ITGA9: variants seen among roughly 807,000 people sequenced by gnomAD.
ITGA9 encodes the protein integrin subunit alpha 9.
Under a neutral mutation model 127.8 loss-of-function variants are expected in ITGA9, and 56 were observed. That is an observed-to-expected ratio of 0.44 (90% CI 0.35 to 0.55). ITGA9 has a LOEUF of 0.55. Among genes scored for constraint, ITGA9 ranks in the 20% least tolerant of loss-of-function variants. The pLI is 0.00. For missense variants in ITGA9, 1,196 were observed against 1,347.1 expected, an observed-to-expected ratio of 0.89 and a Z score of 1.76; for synonymous variants, 508 against 514.5, an observed-to-expected ratio of 0.99 and a Z score of 0.17.
intron 23 of ITGA9, among the ~76,000 whole-genome samples, chr3:37,761,972 CT>C (rs1034264462): frequency 2.6e-5 from 4 of 152,240 alleles, no homozygotes; most frequent in African/African-American, 9.6e-5. Flanking sequence ...TAATCCACTC[CT>C]TTTTTAGCAT....
At chr3:37,802,968 T>G (rs962051102) in intron 26 of ITGA9, among the ~76,000 whole-genome samples, 2 of 152,184 alleles carry the variant, frequency 1.3e-5, no homozygotes, top group African/African-American at 4.8e-5. Context: ...GAAACTACAG[T>G]ACAGCCTCTC....
chr3:37,517,061 C>G (rs1241457076), intron 9 of ITGA9, among the ~76,000 whole-genome samples: 1 of 152,004 alleles, frequency 6.6e-6, no homozygotes, highest in Non-Finnish European at 1.5e-5. Context: ...ATGCACTTTG[C>G]AAAACAGTTT....
Position 37,536,493 on chromosome 3 carries a change from C to A in ITGA9, c.1528+3025C>A, listed in dbSNP as rs552593940. 3.9e-5 allele frequency among the ~76,000 whole-genome samples: 6 copies of A among 152,368 alleles called. 1 individual carries two copies. In the South Asian group the frequency reaches 1.2e-3, roughly 32 times the overall value. ...TCTGCTGCTGTCTTCAGCTACATGACCTGCTCTCTGAGGATGGTTTTGAGA... is the reference window on the plus strand; with the variant it reads ...TCTGCTGCTGTCTTCAGCTACATGAACTGCTCTCTGAGGATGGTTTTGAGA... On this transcript the variant is annotated intron_variant, in intron 14 of 27. Transcript: ENST00000264741.
rs570929226 is a variant in ITGA9 at position 37,823,065 on chromosome 3, A to C, written c.*4076A>C. ...CAAAGAGTGGCTGAAGGGAGAATAC[A>C]GAGCCAGTAGGGCCAAAATGAAACT... On this transcript the variant is annotated 3_prime_UTR_variant, in exon 28 of 28. Transcript: ENST00000264741. The C allele has an allele frequency of 6.6e-6, 1 of 152,366 alleles. No individual in the cohort carries two copies. The highest frequency in any genetic ancestry group is 1.9e-4 in the East Asian group (1 of 5,186). The allele number at this position is 152,366 out of a possible 1,614,324, so 9.4% of individuals were successfully genotyped here.
Position 37,748,453 on chromosome 3 carries a change from A to G in ITGA9, c.2434-2009A>G, listed in dbSNP as rs189713757. 2.1e-4 allele frequency: 122 copies of G among 587,266 alleles called. No individual in the cohort carries two copies. In the East Asian group the frequency reaches 3.3e-3, roughly 16 times the overall value. 36.4% of individuals were successfully genotyped at this position (587,266 alleles called of 1,614,324 possible). On this transcript the variant is annotated intron_variant, in intron 22 of 27. Coordinates refer to ENST00000264741, the MANE Select transcript of ITGA9 (RefSeq NM_002207.3). Reference sequence around the variant, plus strand: ...GAAACACGTGAAGGAAAATGATCAGAAAAAGAAGGAAGCTGGCGGCACAGT... The same window carrying G: ...GAAACACGTGAAGGAAAATGATCAGGAAAAGAAGGAAGCTGGCGGCACAGT...
In ITGA9 at chr3:37,523,509, T is replaced by G. The variant is rs770432186; in HGVS notation, c.1237-12T>G. On this transcript the variant is annotated splice_polypyrimidine_tract_variant and intron_variant, in intron 11 of 27. Coordinates refer to ENST00000264741, the MANE Select transcript of ITGA9 (RefSeq NM_002207.3). ...TTTTCCTGTGACTCCATTTCCCTATTATCTGTTTCAGAAACTGTCTGGGCA... is the reference window on the plus strand; with the variant it reads ...TTTTCCTGTGACTCCATTTCCCTATGATCTGTTTCAGAAACTGTCTGGGCA... 1 of 1,607,954 alleles carries G rather than the reference T, an allele frequency of 6.2e-7. No homozygotes were observed.
chr3:37,534,470 A>G (rs1251761049), intron 14 of ITGA9, among the ~76,000 whole-genome samples: 1 of 152,234 alleles, frequency 6.6e-6, no homozygotes, highest in Admixed American at 6.5e-5. Flanking sequence ...AAGTTTGAGA[A>G]GCACTGCTGT....
At chr3:37,654,024 A>G (rs538953979) in intron 17 of ITGA9, among the ~76,000 whole-genome samples, 2 of 152,274 alleles carry the variant, frequency 1.3e-5, no homozygotes, top group East Asian at 3.9e-4. Context: ...ATATCTCACA[A>G]TGTAGCTTGT....
At chr3:37,735,215 G>A (rs1301253029) in intron 19 of ITGA9, among the ~76,000 whole-genome samples, 1 of 152,142 alleles carries the variant, frequency 6.6e-6, no homozygotes, top group East Asian at 1.9e-4. Context: ...ATCTCACTGT[G>A]CTCTTTAATG....
chr3:37,609,532 G>T (rs1699998446), intron 15 of ITGA9, among the ~76,000 whole-genome samples: 1 of 152,084 alleles, frequency 6.6e-6, no homozygotes, highest in Non-Finnish European at 1.5e-5. Context: ...GGAATGACAT[G>T]GTCCCCACCC....
At chr3:37,482,102 G>A (rs1579054796) in intron 4 of ITGA9, among the ~76,000 whole-genome samples, 1 of 152,212 alleles carries the variant, frequency 6.6e-6, no homozygotes, top group African/African-American at 2.4e-5. Context: ...GTGGACAGAT[G>A]TCCTGAGGCT....
At chr3:37,798,046 A>G (rs1266265313) in intron 26 of ITGA9, among the ~76,000 whole-genome samples, 5 of 152,186 alleles carry the variant, frequency 3.3e-5, no homozygotes, top group Admixed American at 3.3e-4. Context: ...GCTGGAGCGC[A>G]GTGGCACAGT....
rs1433186485 is a variant in ITGA9 at position 37,814,930 on chromosome 3, G to T, written c.3010-3961G>T. Among the ~76,000 whole-genome samples, 1 of 152,192 alleles carries T rather than the reference G, an allele frequency of 6.6e-6. No homozygotes were observed. The highest frequency in any genetic ancestry group is 1.5e-5 in the Non-Finnish European group (1 of 68,042). Reference sequence around the variant, plus strand: ...AAAAGGAAGACATACATCAGTGGTAGCTCTGATCTCCCATCCAAGAGATTA... The same window carrying T: ...AAAAGGAAGACATACATCAGTGGTATCTCTGATCTCCCATCCAAGAGATTA... On this transcript the variant is annotated intron_variant, in intron 27 of 27. Coordinates refer to ENST00000264741, the MANE Select transcript of ITGA9 (RefSeq NM_002207.3). The surrounding 1 kb of genome is among the most constrained non-coding windows in gnomAD (Gnocchi z 4.3).
At chr3:37,737,840 A>G (rs1696382320) in intron 20 of ITGA9, among the ~76,000 whole-genome samples, 1 of 152,158 alleles carries the variant, frequency 6.6e-6, no homozygotes, top group Non-Finnish European at 1.5e-5. Context: ...ACCCAGATTC[A>G]CCCAGTGTTA....
intron 1 of ITGA9, among the ~76,000 whole-genome samples, chr3:37,465,544 G>A (rs1221498380): frequency 6.6e-6 from 1 of 152,198 alleles, no homozygotes; most frequent in African/African-American, 2.4e-5. Flanking sequence ...ATGGCCATGA[G>A]CAAGAAAGCA....
rs770464673 is a variant in ITGA9 at position 37,736,989 on chromosome 3, G to GC, written c.2234+6_2234+7insC. The GC allele has an allele frequency of 4.4e-6, 7 of 1,593,130 alleles. No homozygotes were observed. Among genetic ancestry groups the GC allele is most frequent in the Non-Finnish European group, 6.0e-6 (7 of 1,161,230 alleles). ...TTCATTGTTACTGCTCAGAGGTAAG[G>GC]GGGGGGTTTAAACACTTTTTTCAAA... On this transcript the variant is annotated splice_region_variant and intron_variant, in intron 20 of 27. Transcript: ENST00000264741.
intron 20 of ITGA9, among the ~76,000 whole-genome samples, chr3:37,738,662 C>T (rs1401038417): frequency 6.6e-6 from 1 of 152,164 alleles, no homozygotes; most frequent in Non-Finnish European, 1.5e-5. Flanking sequence ...ATTCTCTTGC[C>T]ATTTCTTGGA....
intron 18 of ITGA9, among the ~76,000 whole-genome samples, chr3:37,706,666 G>A (rs1046104235): frequency 2.0e-5 from 3 of 152,188 alleles, no homozygotes; most frequent in African/African-American, 7.2e-5. Flanking sequence ...GTGTCATTGA[G>A]TTTGGGTGCC....
At chr3:37,816,155 GGTATGTGGGC>G (rs778404861) in intron 27 of ITGA9, among the ~76,000 whole-genome samples, 1 of 152,102 alleles carries the variant, frequency 6.6e-6, no homozygotes, top group Non-Finnish European at 1.5e-5. Flanking sequence ...GGGTGTGGAG[GGTATGTGGGC>G]ATCTTTGCAA....
Sources: gnomAD v4.1 joint callset for allele counts (sites outside exome capture counted in the v4.1 genomes callset) on GRCh38, gnomAD v4.1.1 for gene constraint, Gnocchi (gnomAD v3.1) non-coding constraint, MANE v1.5 for transcripts, NCBI Gene and HGNC (gene_info 2026-07-23, HGNC 2026-07-21) for gene names.